Variants in HELZ observed in about 807,000 individuals in gnomAD.
HELZ encodes the protein ATP-dependent RNA helicase with zinc finger domain.
Under a neutral mutation model 218.2 loss-of-function variants are expected in HELZ, and 23 were observed. The observed-to-expected ratio is 0.11, with a 90% CI of 0.08 to 0.15. The LOEUF is 0.15. Ranked by LOEUF, HELZ falls within the 10% of genes least tolerant of loss-of-function variation. HELZ has a pLI of 1.00. For synonymous variants in HELZ, 814 were observed against 829.4 expected (o/e 0.98, Z 0.32); for missense variants, 1,813 against 2,353.7 (o/e 0.77, Z 4.75).
chr17:67,245,451 G>T (rs1192998938), upstream of HELZ: 3 of 984,624 alleles, frequency 3.0e-6, no homozygotes, highest in East Asian at 3.4e-4. Flanking sequence ...CTGCCCCCAC[G>T]CCCGGTCCTC....
In HELZ at chr17:67,087,025, T is replaced by G; in HGVS notation, c.5298A>C (p.Ser1766=). The stretch of plus-strand genomic sequence containing the variant: ...TTACTTCTTCAGAACAAGGTTGAAC[T>G]GAGCTAGATGAGATTCTTCTTTGGT... ...PLYQRRISSS[S]VQPCSEEVST... The change falls in exon 32 of 33, where the codon TCA becomes TCC. Residue 1766 remains serine, a synonymous_variant. Coordinates refer to ENST00000358691, the MANE Select transcript of HELZ (RefSeq NM_014877.4). 6.2e-7 allele frequency: 1 copy of G among 1,613,926 alleles called. No homozygotes were observed. Among genetic ancestry groups the G allele is most frequent in the Non-Finnish European group, 8.5e-7 (1 of 1,179,826 alleles).
intron 13 of HELZ, among the ~76,000 whole-genome samples, chr17:67,168,000 T>G (rs556183056): frequency 3.3e-5 from 5 of 152,230 alleles, no homozygotes; most frequent in Admixed American, 3.3e-4. Flanking sequence ...TTTGTTTTTT[T>G]GAGACGGAGT....
At chr17:67,145,992 TG>T (rs2038484481) in intron 20 of HELZ, 102 bp from the exon 21 acceptor site, 2 of 998,980 alleles carry the variant, frequency 2.0e-6, no homozygotes, top group African/African-American at 3.3e-5. Context: ...TATTGCCTTA[TG>T]TCCATGATTA....
intron 12 of HELZ, among the ~76,000 whole-genome samples, chr17:67,185,399 T>C (rs1056509229): frequency 6.6e-6 from 1 of 152,196 alleles, no homozygotes. Context: ...ACAATTCTGT[T>C]AGGACTCTCC....
intron 24 of HELZ, among the ~76,000 whole-genome samples, chr17:67,126,739 T>C (rs1314465779): frequency 2.1e-5 from 3 of 141,118 alleles, no homozygotes; most frequent in African/African-American, 7.4e-5. Context: ...CGCTTGGCTA[T>C]AGTCCCAGCT....
intron 32 of HELZ, among the ~76,000 whole-genome samples, chr17:67,080,233 T>A (rs1344365215): frequency 6.6e-6 from 1 of 152,254 alleles, no homozygotes; most frequent in African/African-American, 2.4e-5. Flanking sequence ...ATCCCTTCTA[T>A]ACTGATCATA....
chr17:67,215,569 A>G (rs905784020), intron 5 of HELZ, among the ~76,000 whole-genome samples: 1 of 152,096 alleles, frequency 6.6e-6, no homozygotes, highest in Non-Finnish European at 1.5e-5. Context: ...GGCTGGTCTC[A>G]AACTCCAGAT....
intron 31 of HELZ, among the ~76,000 whole-genome samples, chr17:67,095,498 TG>T (rs1313532705): frequency 6.6e-6 from 1 of 152,168 alleles, no homozygotes; most frequent in Non-Finnish European, 1.5e-5. Context: ...CAGTGAGTCA[TG>T]ATTGCACCAC....
At chr17:67,109,808 T>TG (rs2037225777) in intron 28 of HELZ, 122 bp from the exon 29 acceptor site, 1 of 654,252 alleles carries the variant, frequency 1.5e-6, no homozygotes, top group African/African-American at 1.8e-5. Flanking sequence ...GCAGGAGAGC[T>TG]GAGTGCTCAA....
At chr17:67,162,002 C>T (rs2144118467) in intron 15 of HELZ, among the ~76,000 whole-genome samples, 1 of 152,270 alleles carries the variant, frequency 6.6e-6, no homozygotes, top group African/African-American at 2.4e-5. Context: ...AAAGTGCCTG[C>T]AAAATAACCC....
intron 31 of HELZ, among the ~76,000 whole-genome samples, chr17:67,103,596 T>C (rs755132385): frequency 1.5e-4 from 23 of 152,338 alleles, no homozygotes; most frequent in Admixed American, 4.6e-4. Flanking sequence ...ATGTTAAGCG[T>C]CCTGAACAAA....
intron 27 of HELZ, chr17:67,119,885 T>TA: frequency 2.6e-6 from 1 of 389,214 alleles, no homozygotes; most frequent in Non-Finnish European, 4.9e-6. Flanking sequence ...TGGTAGGATT[T>TA]AACCTAAAGG....
At chr17:67,083,636 A>T (rs1232157499) in intron 32 of HELZ, among the ~76,000 whole-genome samples, 1 of 152,206 alleles carries the variant, frequency 6.6e-6, no homozygotes, top group Non-Finnish European at 1.5e-5. Context: ...CTCAAAAACA[A>T]AACAAAACAA....
intron 31 of HELZ, among the ~76,000 whole-genome samples, chr17:67,088,440 T>C (rs1365333061): frequency 6.6e-6 from 1 of 152,152 alleles, no homozygotes; most frequent in Non-Finnish European, 1.5e-5. Context: ...GCAGACATTA[T>C]CAAGCCAATT....
intron 11 of HELZ, 133 bp downstream of exon 11, chr17:67,189,456 A>G: frequency 1.8e-6 from 1 of 548,702 alleles, no homozygotes; most frequent in Non-Finnish European, 3.3e-6. Flanking sequence ...ACTTTAGTAC[A>G]ATATAGAACC....
intron 15 of HELZ, among the ~76,000 whole-genome samples, chr17:67,166,002 G>A (rs1245285792): frequency 6.6e-6 from 1 of 152,050 alleles, no homozygotes; most frequent in African/African-American, 2.4e-5. Context: ...CAGACACAGT[G>A]GCATGTGTCT....
At chr17:67,103,726 TGAAGAAA>T (rs1226241401) in intron 31 of HELZ, among the ~76,000 whole-genome samples, 2 of 152,214 alleles carry the variant, frequency 1.3e-5, no homozygotes, top group African/African-American at 2.4e-5. Flanking sequence ...GCTTTTTTTC[TGAAGAAA>T]TTAGTAAGCT....
chr17:67,122,373 G>A (rs376284004), intron 26 of HELZ, among the ~76,000 whole-genome samples: 11 of 152,072 alleles, frequency 7.2e-5, no homozygotes, highest in East Asian at 1.9e-4. Flanking sequence ...GTGAAACCCC[G>A]CGTCTACTAA....
At position 67,108,983 on chromosome 17, in the gene HELZ, A is replaced by C; in HGVS notation, c.4489+133T>G. On this transcript the variant is annotated intron_variant, in intron 29 of 32. Coordinates refer to ENST00000358691, the MANE Select transcript of HELZ (RefSeq NM_014877.4). The surrounding 1 kb of genome is among the most constrained non-coding windows in gnomAD (Gnocchi z 4.1). The stretch of plus-strand genomic sequence containing the variant: ...CAGCATTTAGAACTAGTTTCTGATT[A>C]TCACACTAAATGGGGGGGTTTTGCT... 1 of 753,824 alleles carries C rather than the reference A, an allele frequency of 1.3e-6. No homozygotes were observed. Among genetic ancestry groups the C allele is most frequent in the Non-Finnish European group, 2.1e-6 (1 of 470,010 alleles). The allele number at this position is 753,824 out of a possible 1,614,324, so 46.7% of individuals were successfully genotyped here. A position where few individuals can be genotyped will look rare whatever the true frequency, so the allele number is the denominator to read the frequency against.
Sources: gnomAD v4.1 joint callset for allele counts (sites outside exome capture counted in the v4.1 genomes callset) on GRCh38, gnomAD v4.1.1 for gene constraint, Gnocchi (gnomAD v3.1) non-coding constraint, MANE v1.5 for transcripts, NCBI Gene and HGNC (gene_info 2026-07-23, HGNC 2026-07-21) for gene names.